The following SLC6A4 variants were observed in gnomAD, a reference collection of about 807,000 sequenced individuals.
The protein encoded by SLC6A4 is sodium-dependent serotonin transporter.
SLC6A4 carries 22 observed loss-of-function variants against 73.4 expected under a neutral mutation model. The ratio of observed to expected loss-of-function variants is 0.30; its 90% CI spans 0.21 to 0.43. The LOEUF (loss-of-function observed/expected upper bound fraction) is 0.43. Ranked by LOEUF, SLC6A4 falls within the 20% of genes least tolerant of loss-of-function variation. The pLI, the probability that SLC6A4 is intolerant of heterozygous loss-of-function variation, is 1.00. For synonymous variants in SLC6A4, 270 were observed against 315.5 expected (o/e 0.86, Z 1.53); for missense variants, 593 against 808.5 (o/e 0.73, Z 3.23).
intron 14 of SLC6A4, 117 bp from the exon 15 acceptor site, chr17:30,198,647 G>A (rs1008349557): frequency 1.9e-5 from 11 of 580,124 alleles, no homozygotes; most frequent in East Asian, 3.0e-5. Flanking sequence ...ATCTAAGAGC[G>A]AGTTGGAATA....
intron 3 of SLC6A4, among the ~76,000 whole-genome samples, chr17:30,221,174 G>T (rs1471233423): frequency 6.6e-6 from 1 of 151,500 alleles, no homozygotes; most frequent in African/African-American, 2.4e-5. Flanking sequence ...ACGGGGTTTT[G>T]CCATGTTGGT....
chr17:30,216,356 C>T, intron 6 of SLC6A4, 140 bp from the exon 7 acceptor site: 1 of 577,864 alleles, frequency 1.7e-6, no homozygotes, highest in Non-Finnish European at 3.1e-6. Context: ...TCTTGAAGAC[C>T]TTGAGAAAGG....
Position 30,217,445 on chromosome 17 carries a change from G to T in SLC6A4, c.699-141C>A, listed in dbSNP as rs1906613053. 6.5e-6 allele frequency: 5 copies of T among 770,430 alleles called. No homozygotes were observed. The East Asian group carries it at 1.1e-4, about 17-fold the overall frequency. The allele number at this position is 770,430 out of a possible 1,614,324, so 47.7% of individuals were successfully genotyped here. On this transcript the variant is annotated intron_variant, in intron 5 of 14. Transcript: ENST00000650711. ...AAGTGGTCACTGAGGCCCAGGAAGA[G>T]CTGGGATTGGCCCTGCCTGTCCTGA...
In SLC6A4 at chr17:30,215,980, C is replaced by A. The variant is rs1280742726; in HGVS notation, c.972+102G>T. ...TAAAGTATCATTGCAGACTTGCACA[C>A]TGAAGCCACATTTCAGTTGTCCCTA... On this transcript the variant is annotated intron_variant, in intron 7 of 14. Coordinates refer to ENST00000650711, the MANE Select transcript of SLC6A4 (RefSeq NM_001045.6). The A allele has an allele frequency of 2.3e-5, 25 of 1,089,312 alleles. No homozygotes were observed. In the East Asian group the frequency reaches 5.7e-4, roughly 25 times the overall value. 67.5% of individuals were successfully genotyped at this position (1,089,312 alleles called of 1,614,324 possible). A position where few individuals can be genotyped will look rare whatever the true frequency, so the allele number is the denominator to read the frequency against.
rs111715707 is a variant in SLC6A4, at chr17:30,230,122, A to AGAG, written c.-221+5488_-221+5490dup. 7.5e-3 allele frequency among the ~76,000 whole-genome samples: 923 copies of AGAG among 123,490 alleles called. 12 individuals carry two copies. Among genetic ancestry groups the AGAG allele is most frequent in the African/African-American group, 0.025 (801 of 31,980 alleles). 81.0% of individuals were successfully genotyped at this position (123,490 alleles called of 152,430 possible). On this transcript the variant is annotated intron_variant, in intron 1 of 14. Transcript: ENST00000650711. ...AGGAGGAAGAGGAAGAGGAAGAGGA[A>AGAG]GAGGAGGAGGAGGAGGAGGAGGAGG...
rs750329545 is a variant in SLC6A4 at position 30,222,075 on chromosome 17, A to T, written c.-117T>A. ...CTATCGTCGGGATTGACACGTCGGG[A>T]TTGACTCTGTTGGAAAGACACACAG... On this transcript the variant is annotated 5_prime_UTR_variant, in exon 3 of 15. Transcript: ENST00000650711. 3 of 1,566,508 alleles carry T rather than the reference A, an allele frequency of 1.9e-6. No homozygotes were observed. Among genetic ancestry groups the T allele is most frequent in the Non-Finnish European group, 8.7e-7 (1 of 1,155,184 alleles).
At position 30,221,775 on chromosome 17, in the gene SLC6A4, A is replaced by G; in HGVS notation, c.184T>C (p.Ser62Pro). The G allele has an allele frequency of 6.2e-7, 1 of 1,614,106 alleles. No individual in the cohort carries two copies. Among genetic ancestry groups the G allele is most frequent in the Non-Finnish European group, 8.5e-7 (1 of 1,180,028 alleles). The change falls in exon 3 of 15, where the codon TCT (serine) becomes CCT (proline). Residue 62 changes from serine to proline, a missense_variant. Coordinates refer to ENST00000650711, the MANE Select transcript of SLC6A4 (RefSeq NM_001045.6). ...SPGAGDDTRH[S>P]IPATTTTLVA... ...AGGGTGGTGGTGGTCGCTGGGATAG[A>G]GTGCCGTGTGTCATCTCCCGCACCA...
chr17:30,214,620 C>CTCTT (rs750041879), intron 8 of SLC6A4, among the ~76,000 whole-genome samples: 3,664 of 148,452 alleles, frequency 0.025, 54 homozygotes, highest in Middle Eastern at 0.06. Flanking sequence ...TTTGCAATTT[C>CTCTT]TCTTTCTTTC....
rs1460030867 is a variant in SLC6A4 at position 30,216,178 on chromosome 17, A to G, written c.876T>C (p.Leu292=). 6.2e-7 allele frequency: 1 copy of G among 1,611,538 alleles called. No homozygotes were observed. The highest frequency in any genetic ancestry group is 8.5e-7 in the Non-Finnish European group (1 of 1,178,628). Residue 292 remains leucine (L), a synonymous_variant, in exon 7 of 15, where the codon CTT becomes CTC. Transcript: ENST00000650711. Reference sequence around the variant, plus strand: ...TGGCACCCCTCACCAGCAGGACAGAAAGGATGATATAAGGGAAGGTGGCTG... The same window carrying G: ...TGGCACCCCTCACCAGCAGGACAGAGAGGATGATATAAGGGAAGGTGGCTG... ...WVTATFPYII[L]SVLLVRGATL... is the part of the protein sequence containing the mutation.
At chr17:30,229,176 AC>A (rs1315090147) in intron 1 of SLC6A4, among the ~76,000 whole-genome samples, 1 of 152,218 alleles carries the variant, frequency 6.6e-6, no homozygotes, top group African/African-American at 2.4e-5. Context: ...GAAGAGACTG[AC>A]ATGCCCAGGA....
At chr17:30,198,785 A>G (rs191817324) in intron 14 of SLC6A4, among the ~76,000 whole-genome samples, 48 of 152,296 alleles carry the variant, frequency 3.2e-4, no homozygotes, top group African/African-American at 1.1e-3. Context: ...AATGGAAGAA[A>G]ATGATGAGCC....
intron 9 of SLC6A4, among the ~76,000 whole-genome samples, 179 bp downstream of exon 9, chr17:30,212,561 T>C (rs986635331): frequency 6.6e-6 from 1 of 152,130 alleles, no homozygotes; most frequent in African/African-American, 2.4e-5. Flanking sequence ...TCATTTATTT[T>C]TTTATAGAGG....
In SLC6A4 at chr17:30,221,881, A is replaced by C; in HGVS notation, c.78T>G (p.Val26=). The change falls in exon 3 of 15, where the codon GTT becomes GTG. Residue 26 remains valine, a synonymous_variant. Coordinates refer to ENST00000650711, the MANE Select transcript of SLC6A4 (RefSeq NM_001045.6). ...EDGEDCQENG[V]LQKVVPTPGD... ...CTGGGGTGGGAACAACCTTCTGTAG[A>C]ACTCCGTTTTCCTGACAATCTTCTC... 6.2e-7 allele frequency: 1 copy of C among 1,614,058 alleles called. No individual in the cohort carries two copies. Among genetic ancestry groups the C allele is most frequent in the South Asian group, 1.1e-5 (1 of 91,070 alleles).
At chr17:30,222,642 C>T (rs1307067947) in intron 2 of SLC6A4, among the ~76,000 whole-genome samples, 177 bp downstream of exon 2, 1 of 152,222 alleles carries the variant, frequency 6.6e-6, no homozygotes, top group Non-Finnish European at 1.5e-5. Flanking sequence ...GGCCACCCTT[C>T]GTGAGGCACC....
intron 13 of SLC6A4, chr17:30,203,617 G>A (rs1017711806): frequency 7.5e-6 from 3 of 400,964 alleles, no homozygotes; most frequent in Non-Finnish European, 1.4e-5. Context: ...CCCTACAGTC[G>A]GGGCTGAAGC....
At chr17:30,233,191 G>A (rs889473297) in intron 1 of SLC6A4, among the ~76,000 whole-genome samples, 5 of 152,150 alleles carry the variant, frequency 3.3e-5, no homozygotes, top group Admixed American at 6.5e-5. Flanking sequence ...CCACACCCAC[G>A]TATGTTCCAT....
chr17:30,223,084 G>T (rs539606730), intron 1 of SLC6A4, among the ~76,000 whole-genome samples, 169 bp from the exon 2 acceptor site: 1 of 152,330 alleles, frequency 6.6e-6, no homozygotes, highest in Non-Finnish European at 1.5e-5. Flanking sequence ...GTCGTCAAAC[G>T]TGGGGTAGAA....
In SLC6A4 at chr17:30,203,248, A is replaced by T. The variant is rs1349059348; in HGVS notation, c.1742T>A (p.Ile581Lys). Residue 581 changes from isoleucine to lysine, a missense_variant, in exon 14 of 15, where the codon ATA becomes AAA. Physicochemically the swap from Ile to Lys is moderately radical, Grantham distance 102. Transcript: ENST00000650711. ...PYWSIILGYC[I>K]GTSSFICIPT... ...GATGCAAATGAAAGATGAGGTTCCTATGCAGTAACCCAAGATGATACTCCA... is the reference window on the plus strand; with the variant it reads ...GATGCAAATGAAAGATGAGGTTCCTTTGCAGTAACCCAAGATGATACTCCA... The T allele has an allele frequency of 6.2e-7, 1 of 1,611,646 alleles. No homozygotes were observed. Among genetic ancestry groups the T allele is most frequent in the Non-Finnish European group, 8.5e-7 (1 of 1,177,690 alleles).
chr17:30,228,134 G>A (rs56158952), intron 1 of SLC6A4, among the ~76,000 whole-genome samples: 1,665 of 152,310 alleles, frequency 0.011, 30 homozygotes, highest in African/African-American at 0.039. Context: ...TAGTTCCTCT[G>A]TTCACAACCC....
Sources: gnomAD v4.1 joint callset for allele counts (sites outside exome capture counted in the v4.1 genomes callset) on GRCh38, gnomAD v4.1.1 for gene constraint, MANE v1.5 for transcripts, NCBI Gene and HGNC (gene_info 2026-07-23, HGNC 2026-07-21) for gene names.